The following CMC1 variants were observed in gnomAD, a reference collection of about 807,000 sequenced individuals.
The protein encoded by CMC1 is C-X9-C motif containing 1.
Under a neutral mutation model 14.1 loss-of-function variants are expected in CMC1, and 14 were observed. That is an observed-to-expected ratio of 0.99 (90% confidence interval 0.66 to 1.55). The LOEUF (loss-of-function observed/expected upper bound fraction) is 1.55, where lower values mean the gene tolerates loss of function less well. Among genes scored for constraint, CMC1 ranks in the 40% most tolerant of loss-of-function variants. The probability of loss-of-function intolerance (pLI) is 0.00; values close to 1 mark genes in which losing one functional copy is unlikely to be tolerated. For missense variants in CMC1, 127 were observed against 123.8 expected, an observed-to-expected ratio of 1.03 and a Z score of -0.12; for synonymous variants, 50 against 38.4, an observed-to-expected ratio of 1.30 and a Z score of -1.12.
intron 2 of CMC1, among the ~76,000 whole-genome samples, chr3:28,267,285 C>T (rs951763460): frequency 6.6e-6 from 1 of 152,168 alleles, no homozygotes; most frequent in Admixed American, 6.5e-5. Flanking sequence ...AAAAATTCCT[C>T]ATTATATTTC....
intron 2 of CMC1, among the ~76,000 whole-genome samples, chr3:28,300,286 C>T (rs1041270555): frequency 1.3e-5 from 2 of 151,908 alleles, no homozygotes; most frequent in Admixed American, 1.3e-4. Flanking sequence ...TGGGAATATT[C>T]GAATCTATGT....
intron 2 of CMC1, among the ~76,000 whole-genome samples, chr3:28,311,176 T>C (rs1577095465): frequency 6.6e-6 from 1 of 152,134 alleles, no homozygotes; most frequent in East Asian, 1.9e-4. Context: ...TTTTTTTTTT[T>C]CTGTAGGGAT....
rs71087680 is a variant in CMC1 at position 28,270,920 on chromosome 3, C to CTTTT, written c.109+7559_109+7562dup. Among the ~76,000 whole-genome samples the CTTTT allele has an allele frequency of 1.5e-3, 125 of 83,726 alleles. 2 individuals carry two copies. Among genetic ancestry groups the CTTTT allele is most frequent in the African/African-American group, 1.9e-3 (37 of 19,748 alleles). The allele number at this position is 83,726 out of a possible 152,430, so 54.9% of individuals were successfully genotyped here. A position where few individuals can be genotyped will look rare whatever the true frequency, so the allele number is the denominator to read the frequency against. ...TCTTTAATTCATCTTGAGTTAATTT[C>CTTTT]TTTTTTTTTTTTTTTTTTTTTTGAG... On this transcript the variant is annotated intron_variant, in intron 2 of 3. Transcript: ENST00000466830.
At chr3:28,279,785 C>G (rs565734304) in intron 2 of CMC1, among the ~76,000 whole-genome samples, 2 of 152,076 alleles carry the variant, frequency 1.3e-5, no homozygotes, top group Admixed American at 6.5e-5. Context: ...AAAACCCTTA[C>G]GGACTTGTAG....
At chr3:28,298,123 G>GGACTCTACCTGTAGAGTAGAGTCC in intron 2 of CMC1, 1 of 151,556 alleles carries the variant, frequency 6.6e-6, no homozygotes, top group South Asian at 2.1e-4. Context: ...TGAGTCTACA[G>GGACTCTACCTGTAGAGTAGAGTCC]GACTCTACCT....
intron 2 of CMC1, among the ~76,000 whole-genome samples, chr3:28,283,251 C>T (rs1278599527): frequency 2.0e-5 from 3 of 151,968 alleles, no homozygotes; most frequent in Admixed American, 6.6e-5. Context: ...TGGTGGCTCA[C>T]GCCTGTAATC....
intron 1 of CMC1, 63 bp from the exon 2 acceptor site, chr3:28,263,228 A>AT (rs1699825268): frequency 1.0e-5 from 12 of 1,180,510 alleles, no homozygotes; most frequent in Non-Finnish European, 1.5e-5. Flanking sequence ...CCAGAGTCTT[A>AT]TTTTTCCTTT....
intron 2 of CMC1, among the ~76,000 whole-genome samples, chr3:28,294,253 C>T (rs1262798594): frequency 1.3e-5 from 2 of 152,064 alleles, no homozygotes; most frequent in Non-Finnish European, 2.9e-5. Context: ...GAGAACCTTA[C>T]TCAGTGGTTA....
At chr3:28,245,498 T>G (rs1009730501) in intron 1 of CMC1, among the ~76,000 whole-genome samples, 1 of 152,194 alleles carries the variant, frequency 6.6e-6, no homozygotes, top group Admixed American at 6.5e-5. Context: ...TCTGTCAACA[T>G]AGATTCATTC....
chr3:28,274,601 T>G (rs1002244999), intron 2 of CMC1, among the ~76,000 whole-genome samples: 3 of 152,126 alleles, frequency 2.0e-5, no homozygotes, highest in African/African-American at 7.2e-5. Flanking sequence ...GGGGTTGATC[T>G]TCTTGTGGAG....
chr3:28,315,441 C>T (rs1702847458), intron 2 of CMC1, among the ~76,000 whole-genome samples: 2 of 152,162 alleles, frequency 1.3e-5, no homozygotes, highest in South Asian at 2.1e-4. Flanking sequence ...AAATGGGGGT[C>T]CTGTTATTAG....
intron 1 of CMC1, among the ~76,000 whole-genome samples, chr3:28,247,428 T>C (rs1698880722): frequency 6.6e-6 from 1 of 152,150 alleles, no homozygotes; most frequent in African/African-American, 2.4e-5. Flanking sequence ...GTGTACCACA[T>C]GGTACATACA....
In CMC1 at chr3:28,244,640, A is replaced by C. The variant is rs925177364; in HGVS notation, c.19+2828A>C. Among the ~76,000 whole-genome samples the C allele has an allele frequency of 2.6e-5, 4 of 152,074 alleles. No individual in the cohort carries two copies. In the East Asian group the frequency reaches 7.7e-4, roughly 29 times the overall value. On this transcript the variant is annotated intron_variant, in intron 1 of 3. Transcript: ENST00000466830. ...GCTACTCAGGAGGCTGAGGAATGAG[A>C]ATTTGAGCCTGGAAGGCAGCGGTTG...
intron 2 of CMC1, among the ~76,000 whole-genome samples, chr3:28,280,755 T>C (rs1170505293): frequency 6.6e-6 from 1 of 152,220 alleles, no homozygotes; most frequent in Non-Finnish European, 1.5e-5. Flanking sequence ...CTTATATAAA[T>C]TATGGTACAG....
intron 1 of CMC1, among the ~76,000 whole-genome samples, chr3:28,252,681 C>G (rs1464989888): frequency 6.6e-6 from 1 of 152,144 alleles, no homozygotes; most frequent in Non-Finnish European, 1.5e-5. Flanking sequence ...GCTCATTTAG[C>G]CTTGTTTGCT....
At chr3:28,261,561 C>G (rs932340087) in intron 1 of CMC1, among the ~76,000 whole-genome samples, 1 of 152,172 alleles carries the variant, frequency 6.6e-6, no homozygotes, top group Non-Finnish European at 1.5e-5. Flanking sequence ...AGCAGGTGTT[C>G]AATTTGCCAT....
intron 1 of CMC1, among the ~76,000 whole-genome samples, chr3:28,255,241 CTTTTT>C (rs61315525): frequency 1.5e-5 from 2 of 133,148 alleles, no homozygotes; most frequent in Non-Finnish European, 3.2e-5. Context: ...TTTGTTTCCT[CTTTTT>C]TTTTTTTTTT....
intron 2 of CMC1, among the ~76,000 whole-genome samples, chr3:28,293,421 C>T (rs1701583771): frequency 6.6e-6 from 1 of 151,496 alleles, no homozygotes; most frequent in South Asian, 2.1e-4. Flanking sequence ...ATGATGATGC[C>T]AGGAGTTTGA....
intron 1 of CMC1, among the ~76,000 whole-genome samples, chr3:28,252,935 G>A (rs1699205688): frequency 6.6e-6 from 1 of 152,084 alleles, no homozygotes; most frequent in Non-Finnish European, 1.5e-5. Flanking sequence ...AGCATTGCGG[G>A]GAAGAAAACA....
Sources: allele counts gnomAD v4.1 joint callset (sites outside exome capture counted in the v4.1 genomes callset), GRCh38; gene constraint gnomAD v4.1.1; transcripts MANE v1.5; gene names NCBI Gene and HGNC (gene_info 2026-07-23, HGNC 2026-07-21).